COL4A3: variants seen among roughly 807,000 people sequenced by gnomAD.
COL4A3 encodes the protein collagen type IV alpha 3 chain.
Under a neutral mutation model 217.4 loss-of-function variants are expected in COL4A3, and 135 were observed. That is an observed-to-expected ratio of 0.62 (90% CI 0.54 to 0.72). The LOEUF is 0.72. Ranked by LOEUF, COL4A3 falls within the 30% of genes least tolerant of loss-of-function variation. COL4A3 has a pLI of 0.00. For synonymous variants in COL4A3, 690 were observed against 736.3 expected (o/e 0.94, Z 1.02); for missense variants, 1,868 against 2,119.9 (o/e 0.88, Z 2.33).
At position 227,246,746 on chromosome 2, in the gene COL4A3, T is replaced by G; in HGVS notation, c.441+8T>G. The G allele has an allele frequency of 6.2e-7, 1 of 1,609,088 alleles. No homozygotes were observed. The highest frequency in any genetic ancestry group is 8.5e-7 in the Non-Finnish European group (1 of 1,175,482). On this transcript the variant is annotated splice_region_variant and intron_variant, in intron 7 of 51. Coordinates refer to ENST00000396578, the MANE Select transcript of COL4A3 (RefSeq NM_000091.5). ...GGCTACCCAGGGATCCCGGTAGGTT[T>G]GCATGCCTAATTCCCCAACAAAGAC... is the stretch of plus-strand genomic sequence containing the variant.
chr2:227,300,681 A>C (rs1270592434), intron 43 of COL4A3, among the ~76,000 whole-genome samples: 1 of 152,208 alleles, frequency 6.6e-6, no homozygotes, highest in East Asian at 1.9e-4. Context: ...AGAGGAGCCC[A>C]CAATAAAGTG....
intron 1 of COL4A3, among the ~76,000 whole-genome samples, chr2:227,204,223 A>T (rs551875591): frequency 6.6e-6 from 1 of 152,262 alleles, no homozygotes; most frequent in African/African-American, 2.4e-5. Flanking sequence ...CTCATTTGTA[A>T]TATGCAATAA....
chr2:227,238,690 A>C (rs1319899836), intron 2 of COL4A3, among the ~76,000 whole-genome samples: 1 of 152,162 alleles, frequency 6.6e-6, no homozygotes, highest in African/African-American at 2.4e-5. Flanking sequence ...TGACTATTTT[A>C]AAATATTTTA....
chr2:227,310,936 A>G lies in COL4A3; in HGVS notation c.4916A>G (p.Glu1639Gly). Residue 1639 changes from glutamate to glycine, a missense_variant, in exon 51 of 52, where the codon GAA (glutamate) becomes GGA (glycine). Coordinates refer to ENST00000396578, the MANE Select transcript of COL4A3 (RefSeq NM_000091.5). ...YSFWLASLNP[E>G]RMFRKPIPST... is the part of the protein sequence containing the mutation. Reference sequence around the variant, plus strand: ...TTCTGGCTGGCTTCATTAAACCCAGAAAGAATGTTCAGGTAACTATTCACC... The same window carrying G: ...TTCTGGCTGGCTTCATTAAACCCAGGAAGAATGTTCAGGTAACTATTCACC... 1 of 1,613,710 alleles carries G rather than the reference A, an allele frequency of 6.2e-7. No individual in the cohort carries two copies. The highest frequency in any genetic ancestry group is 8.5e-7 in the Non-Finnish European group (1 of 1,179,994).
intron 48 of COL4A3, among the ~76,000 whole-genome samples, chr2:227,308,666 G>C (rs1248959149): frequency 2.0e-5 from 3 of 152,224 alleles, no homozygotes; most frequent in Non-Finnish European, 4.4e-5. Flanking sequence ...AAATCGATTA[G>C]AAAGAGCCAC....
At chr2:227,279,236 G>A (rs1391449033) in intron 28 of COL4A3, among the ~76,000 whole-genome samples, 1 of 150,398 alleles carries the variant, frequency 6.6e-6, no homozygotes, top group African/African-American at 2.4e-5. Context: ...GTGCCACCAT[G>A]CCTGGCTAGT....
intron 23 of COL4A3, 45 bp from the exon 24 acceptor site, chr2:227,269,865 G>A (rs376998767): frequency 6.6e-7 from 1 of 1,518,796 alleles, no homozygotes; most frequent in Non-Finnish European, 9.1e-7. Flanking sequence ...TCTACTTAGA[G>A]TTGGCGTTCA....
At chr2:227,198,000 T>C (rs1351502932) in intron 1 of COL4A3, among the ~76,000 whole-genome samples, 1 of 152,192 alleles carries the variant, frequency 6.6e-6, no homozygotes, top group Non-Finnish European at 1.5e-5. Flanking sequence ...CTCTGTAAGT[T>C]GTGGAAATCG....
At chr2:227,269,825 T>C (rs1228750283) in intron 23 of COL4A3, 85 bp from the exon 24 acceptor site, 1 of 1,139,140 alleles carries the variant, frequency 8.8e-7, no homozygotes, top group South Asian at 1.3e-5. Flanking sequence ...AAGGAAACAC[T>C]CTATTTTCTT....
At chr2:227,223,370 C>T (rs1413129229) in intron 1 of COL4A3, among the ~76,000 whole-genome samples, 1 of 152,126 alleles carries the variant, frequency 6.6e-6, no homozygotes, top group African/African-American at 2.4e-5. Context: ...TGAACTGATA[C>T]TATCAAGGAA....
rs181224818 is a variant in COL4A3, at chr2:227,250,070, T to C, written c.547-1070T>C. On this transcript the variant is annotated intron_variant, in intron 9 of 51. Coordinates refer to ENST00000396578, the MANE Select transcript of COL4A3 (RefSeq NM_000091.5). This position sits in a 1 kb window ranked among gnomAD's most constrained non-coding sequence, Gnocchi z 4.1. Reference sequence around the variant, plus strand: ...GCTCACACCTGTAATCCCAGCACTTTGGGAGGCCAAGGCAGGAGGATCACT... The same window carrying C: ...GCTCACACCTGTAATCCCAGCACTTCGGGAGGCCAAGGCAGGAGGATCACT... Among the ~76,000 whole-genome samples the C allele has an allele frequency of 4.1e-3, 629 of 152,252 alleles. 5 individuals carry two copies. Among genetic ancestry groups the C allele is most frequent in the African/African-American group, 0.014 (595 of 41,544 alleles).
intron 1 of COL4A3, among the ~76,000 whole-genome samples, chr2:227,172,995 TGCTTACA>T (rs2065546613): frequency 6.6e-6 from 1 of 152,200 alleles, no homozygotes; most frequent in South Asian, 2.1e-4. Context: ...CATTACCCTA[TGCTTACA>T]GCTTCAACCT....
intron 1 of COL4A3, among the ~76,000 whole-genome samples, chr2:227,222,162 TA>T (rs2067834536): frequency 6.5e-5 from 5 of 76,522 alleles, no homozygotes; most frequent in Non-Finnish European, 1.0e-4. Context: ...ATAATAATAA[TA>T]ATGATAATGA....
intron 47 of COL4A3, among the ~76,000 whole-genome samples, chr2:227,307,056 AT>A (rs1452296026): frequency 5.3e-5 from 8 of 152,148 alleles, no homozygotes; most frequent in African/African-American, 1.9e-4. Flanking sequence ...CCTTGTCCAA[AT>A]CCATACTCCA....
intron 1 of COL4A3, among the ~76,000 whole-genome samples, chr2:227,235,609 C>A (rs1328103793): frequency 1.3e-5 from 2 of 152,014 alleles, no homozygotes; most frequent in African/African-American, 4.8e-5. Context: ...TTACACTTCC[C>A]CCAAAGTCCA....
intron 3 of COL4A3, 61 bp downstream of exon 3, chr2:227,240,293 C>A (rs1364999274): frequency 1.4e-6 from 2 of 1,468,098 alleles, no homozygotes; most frequent in African/African-American, 1.4e-5. Context: ...CTGCCTACCC[C>A]CTGGCTGCTG....
chr2:227,198,425 C>T (rs1322153644), intron 1 of COL4A3, among the ~76,000 whole-genome samples: 3 of 152,114 alleles, frequency 2.0e-5, no homozygotes, highest in Non-Finnish European at 4.4e-5. Flanking sequence ...GAACATAAAC[C>T]ATTCTGTCAG....
intron 43 of COL4A3, among the ~76,000 whole-genome samples, chr2:227,299,594 G>GT (rs2073190390): frequency 6.6e-6 from 1 of 152,150 alleles, no homozygotes; most frequent in Non-Finnish European, 1.5e-5. Context: ...TTGACTTATC[G>GT]TTAGTACAAG....
intron 3 of COL4A3, among the ~76,000 whole-genome samples, chr2:227,240,956 A>G (rs1387741524): frequency 1.3e-5 from 2 of 152,150 alleles, no homozygotes; most frequent in Non-Finnish European, 2.9e-5. Flanking sequence ...GCTTAGTTTC[A>G]AATTGTGTGG....
Sources: allele counts gnomAD v4.1 joint callset (sites outside exome capture counted in the v4.1 genomes callset), GRCh38; gene constraint gnomAD v4.1.1; non-coding constraint Gnocchi (gnomAD v3.1); transcripts MANE v1.5; gene names NCBI Gene and HGNC (gene_info 2026-07-23, HGNC 2026-07-21).